Variants in ABCB1 observed in about 807,000 individuals in gnomAD.
The protein encoded by ABCB1 is ATP binding cassette subfamily B member 1, also known as ATP-dependent translocase ABCB1.
ABCB1 carries 69 observed loss-of-function variants against 142.0 expected under a neutral mutation model. That is an observed-to-expected ratio of 0.49 (90% CI 0.40 to 0.59). ABCB1 has a LOEUF of 0.59. ABCB1 is among the 20% of genes least tolerant of loss of function. The pLI is 0.00. For synonymous variants in ABCB1, 532 were observed against 539.2 expected (o/e 0.99, Z 0.18); for missense variants, 1,326 against 1,554.7 (o/e 0.85, Z 2.47).
chr7:87,655,243 C>T (rs986732739), intron 1 of ABCB1, among the ~76,000 whole-genome samples: 2 of 152,156 alleles, frequency 1.3e-5, no homozygotes, highest in Non-Finnish European at 2.9e-5. Flanking sequence ...GAAATGAAAT[C>T]AGTGTCTCGA....
At chr7:87,646,470 T>C (rs1037979568) in intron 1 of ABCB1, among the ~76,000 whole-genome samples, 1 of 152,282 alleles carries the variant, frequency 6.6e-6, no homozygotes, top group African/African-American at 2.4e-5. Flanking sequence ...TTTTGGTGTA[T>C]TTTATGGAGA....
intron 3 of ABCB1, among the ~76,000 whole-genome samples, chr7:87,592,620 G>C (rs919327873): frequency 2.0e-5 from 3 of 152,190 alleles, no homozygotes; most frequent in Admixed American, 2.0e-4. Flanking sequence ...GGGCATATCT[G>C]AGTCTACCCT....
At chr7:87,532,693 A>G (rs1292058827) in intron 20 of ABCB1, among the ~76,000 whole-genome samples, 1 of 152,188 alleles carries the variant, frequency 6.6e-6, no homozygotes, top group Non-Finnish European at 1.5e-5. Context: ...AAGAAGTAAC[A>G]ATAAGTATAA....
chr7:87,617,473 C>T (rs1378055155), intron 1 of ABCB1, among the ~76,000 whole-genome samples: 1 of 152,154 alleles, frequency 6.6e-6, no homozygotes, highest in Non-Finnish European at 1.5e-5. Context: ...AAACACAGCA[C>T]ATTGTTGAAA....
chr7:87,631,891 A>G (rs1276587228), intron 1 of ABCB1, among the ~76,000 whole-genome samples: 1 of 152,210 alleles, frequency 6.6e-6, no homozygotes, highest in East Asian at 1.9e-4. Flanking sequence ...TTAACCTTCA[A>G]TTATAGGCTT....
At chr7:87,699,271 GA>G (rs1158147471) in intron 1 of ABCB1, among the ~76,000 whole-genome samples, 2 of 152,022 alleles carry the variant, frequency 1.3e-5, no homozygotes, top group African/African-American at 4.8e-5. Flanking sequence ...CTTTCTACAA[GA>G]AGATTAAACA....
chr7:87,578,837 G>T (rs549334546), intron 4 of ABCB1, among the ~76,000 whole-genome samples: 1 of 151,642 alleles, frequency 6.6e-6, no homozygotes, highest in Non-Finnish European at 1.5e-5. Flanking sequence ...GGGACTACAG[G>T]CGCCCGCCAC....
At chr7:87,586,055 C>A (rs971326810) in intron 3 of ABCB1, among the ~76,000 whole-genome samples, 4 of 152,152 alleles carry the variant, frequency 2.6e-5, no homozygotes, top group African/African-American at 9.7e-5. Flanking sequence ...ACTTGAATGC[C>A]AAAGGCCCCT....
intron 4 of ABCB1, among the ~76,000 whole-genome samples, chr7:87,577,576 T>C (rs1174510278): frequency 6.6e-6 from 1 of 152,232 alleles, no homozygotes; most frequent in Non-Finnish European, 1.5e-5. Flanking sequence ...CTCCACATCC[T>C]CGCCAGCATT....
intron 2 of ABCB1, among the ~76,000 whole-genome samples, chr7:87,598,247 A>G (rs1819291696): frequency 6.6e-6 from 1 of 152,196 alleles, no homozygotes; most frequent in Non-Finnish European, 1.5e-5. Flanking sequence ...TGTTGCTACT[A>G]GAAAATTTTA....
At chr7:87,546,305 T>G (rs1014123798) in intron 14 of ABCB1, among the ~76,000 whole-genome samples, 4 of 152,194 alleles carry the variant, frequency 2.6e-5, no homozygotes, top group Admixed American at 2.6e-4. Context: ...ATCAGGGGCT[T>G]GGGCCGGGCG....
intron 1 of ABCB1, among the ~76,000 whole-genome samples, chr7:87,688,709 CTGTAA>C (rs1218380871): frequency 6.6e-6 from 1 of 151,746 alleles, no homozygotes; most frequent in African/African-American, 2.4e-5. Flanking sequence ...TTTCTTAGTT[CTGTAA>C]TGTTTTATAT....
At chr7:87,616,723 C>T (rs1820043733) in intron 1 of ABCB1, among the ~76,000 whole-genome samples, 1 of 152,078 alleles carries the variant, frequency 6.6e-6, no homozygotes, top group Non-Finnish European at 1.5e-5. Context: ...GATCAGAAAA[C>T]CAAAGTACAT....
chr7:87,673,005 C>T (rs893271325), intron 1 of ABCB1, among the ~76,000 whole-genome samples: 1 of 152,206 alleles, frequency 6.6e-6, no homozygotes, highest in East Asian at 1.9e-4. Flanking sequence ...GACTACTCCC[C>T]TGGAATTCCT....
intron 4 of ABCB1, among the ~76,000 whole-genome samples, chr7:87,581,931 T>C (rs1389493693): frequency 1.3e-5 from 2 of 152,134 alleles, no homozygotes; most frequent in Admixed American, 6.5e-5. Context: ...AAGAATTTAG[T>C]AGGCTGGTTC....
intron 1 of ABCB1, among the ~76,000 whole-genome samples, chr7:87,706,644 A>G (rs559082796): frequency 2.2e-4 from 33 of 152,352 alleles, no homozygotes; most frequent in African/African-American, 7.9e-4. Context: ...TCTTTGCTTT[A>G]GCCTAAAGTT....
At chr7:87,617,671 T>A (rs1820074593) in intron 1 of ABCB1, among the ~76,000 whole-genome samples, 1 of 152,150 alleles carries the variant, frequency 6.6e-6, no homozygotes. Context: ...GCATTCGGAG[T>A]GCTGTGAAAT....
chr7:87,516,365 G>T, intron 24 of ABCB1, 144 bp downstream of exon 24: 1 of 987,484 alleles, frequency 1.0e-6, no homozygotes, highest in Non-Finnish European at 1.6e-6. Context: ...TATATTATTA[G>T]CAGTAATTGA....
At chr7:87,593,668 T>A (rs1164000288) in intron 3 of ABCB1, among the ~76,000 whole-genome samples, 1 of 152,208 alleles carries the variant, frequency 6.6e-6, no homozygotes, top group Non-Finnish European at 1.5e-5. Flanking sequence ...GAAATTTTGG[T>A]GCATGCTGGG....
Sources: gnomAD v4.1 joint callset for allele counts (sites outside exome capture counted in the v4.1 genomes callset) on GRCh38, gnomAD v4.1.1 for gene constraint, MANE v1.5 for transcripts, NCBI Gene and HGNC (gene_info 2026-07-23, HGNC 2026-07-21) for gene names.